BRAF: variants seen among roughly 807,000 people sequenced by gnomAD.
The protein encoded by BRAF is serine/threonine-protein kinase B-raf.
BRAF carries 16 observed loss-of-function variants against 104.6 expected under a neutral mutation model. The ratio of observed to expected loss-of-function variants is 0.15; its 90% CI spans 0.10 to 0.23. The LOEUF (loss-of-function observed/expected upper bound fraction) is 0.23, where lower values mean the gene tolerates loss of function less well. Among genes scored for constraint, BRAF ranks in the 10% least tolerant of loss-of-function variants. BRAF has a pLI of 1.00. For synonymous variants in BRAF, 310 were observed against 341.6 expected (o/e 0.91, Z 1.02); for missense variants, 541 against 937.3 (o/e 0.58, Z 5.52).
chr7:140,745,151 T>C (rs1797249100), intron 17 of BRAF, among the ~76,000 whole-genome samples: 1 of 152,204 alleles, frequency 6.6e-6, no homozygotes, highest in South Asian at 2.1e-4. Flanking sequence ...GATTTTGATG[T>C]ATATATTTCA....
Position 140,832,009 on chromosome 7 carries a change from T to G in BRAF, c.504+2600A>C, listed in dbSNP as rs1473083672. On this transcript the variant is annotated intron_variant, in intron 3 of 19. Coordinates refer to ENST00000644969, the MANE Select transcript of BRAF (RefSeq NM_001374258.1). Reference sequence around the variant, plus strand: ...TCCTAGTATTTTGTTTGGTTTTCTATTTTGGCTTATTTACGTAACCATTCA... The same window carrying G: ...TCCTAGTATTTTGTTTGGTTTTCTAGTTTGGCTTATTTACGTAACCATTCA... Among the ~76,000 whole-genome samples the G allele has an allele frequency of 5.3e-5, 8 of 152,324 alleles. No homozygotes were observed. The South Asian group carries it at 1.2e-3, about 24-fold the overall frequency.
chr7:140,920,682 C>T (rs1291973375), intron 1 of BRAF, among the ~76,000 whole-genome samples: 1 of 152,172 alleles, frequency 6.6e-6, no homozygotes, highest in Non-Finnish European at 1.5e-5. Flanking sequence ...CAGTTTATTC[C>T]TTTAATGGCC....
chr7:140,887,095 C>T (rs10251380), intron 1 of BRAF, among the ~76,000 whole-genome samples: 45,689 of 152,134 alleles, frequency 0.3, 10,956 homozygotes, highest in African/African-American at 0.67. Flanking sequence ...TTTTGAGTAA[C>T]TGACCATTCC....
intron 19 of BRAF, among the ~76,000 whole-genome samples, chr7:140,727,182 TTTC>T (rs1795645439): frequency 6.6e-6 from 1 of 151,334 alleles, no homozygotes; most frequent in African/African-American, 2.4e-5. Flanking sequence ...CCATTATTTT[TTTC>T]TTTTTTTTTT....
intron 3 of BRAF, among the ~76,000 whole-genome samples, chr7:140,827,769 T>C (rs1259445784): frequency 6.6e-6 from 1 of 152,232 alleles, no homozygotes; most frequent in Non-Finnish European, 1.5e-5. Context: ...AGAGGTTCTG[T>C]AGATTACACT....
At chr7:140,751,910 T>C (rs1054983909) in intron 16 of BRAF, among the ~76,000 whole-genome samples, 4 of 152,186 alleles carry the variant, frequency 2.6e-5, no homozygotes, top group Non-Finnish European at 5.9e-5. Flanking sequence ...AGCTTAGAAT[T>C]GCACTAAGAC....
intron 2 of BRAF, chr7:140,835,820 T>G (rs1029906366): frequency 6.6e-6 from 1 of 152,328 alleles, no homozygotes; most frequent in African/African-American, 2.4e-5. Context: ...CTCTACTATT[T>G]CTACCTACCA....
intron 17 of BRAF, among the ~76,000 whole-genome samples, chr7:140,742,486 G>A (rs956991045): frequency 8.5e-5 from 13 of 152,128 alleles, no homozygotes; most frequent in Non-Finnish European, 1.9e-4. Flanking sequence ...GAACCACCAC[G>A]CCCAGCCAAC....
intron 1 of BRAF, among the ~76,000 whole-genome samples, chr7:140,900,768 A>G (rs906363967): frequency 2.0e-5 from 3 of 152,138 alleles, no homozygotes; most frequent in Non-Finnish European, 4.4e-5. Flanking sequence ...GCACCATCAC[A>G]GCCAGCTAAT....
chr7:140,775,624 C>G (rs1178381659), intron 14 of BRAF, among the ~76,000 whole-genome samples: 1 of 152,132 alleles, frequency 6.6e-6, no homozygotes, highest in Non-Finnish European at 1.5e-5. Context: ...CAAGTGTGAG[C>G]CACTGTGCCT....
At chr7:140,910,137 C>T (rs1377742956) in intron 1 of BRAF, among the ~76,000 whole-genome samples, 2 of 152,122 alleles carry the variant, frequency 1.3e-5, no homozygotes, top group Non-Finnish European at 2.9e-5. Context: ...TTTTGTCAGC[C>T]TATCACTTTT....
intron 19 of BRAF, chr7:140,733,857 A>AC: frequency 2.4e-6 from 1 of 418,008 alleles, no homozygotes; most frequent in Non-Finnish European, 3.2e-6. Flanking sequence ...TTTGACTTCT[A>AC]CATGAGCGAG....
chr7:140,737,018 C>T (rs1796501560), intron 18 of BRAF, among the ~76,000 whole-genome samples: 2 of 151,888 alleles, frequency 1.3e-5, no homozygotes, highest in Admixed American at 1.3e-4. Flanking sequence ...TTACTGCACT[C>T]CAGCCTGGGC....
In BRAF at chr7:140,722,199, A is replaced by G; in HGVS notation, c.*4295T>C. The G allele has an allele frequency of 9.5e-7, 1 of 1,057,568 alleles. No individual in the cohort carries two copies. 65.5% of individuals were successfully genotyped at this position (1,057,568 alleles called of 1,614,324 possible). A position where few individuals can be genotyped will look rare whatever the true frequency, so the allele number is the denominator to read the frequency against. On this transcript the variant is annotated 3_prime_UTR_variant, in exon 20 of 20. Coordinates refer to ENST00000644969, the MANE Select transcript of BRAF (RefSeq NM_001374258.1). ...CTCTATGTGATAAATATATCTGACTATACTAGGGATTATGTGCTTTAAAAA... is the reference window on the plus strand; with the variant it reads ...CTCTATGTGATAAATATATCTGACTGTACTAGGGATTATGTGCTTTAAAAA...
At chr7:140,876,186 T>C (rs1244187301) in intron 1 of BRAF, among the ~76,000 whole-genome samples, 1 of 152,316 alleles carries the variant, frequency 6.6e-6, no homozygotes, top group South Asian at 2.1e-4. Flanking sequence ...TAAAGAGACC[T>C]ACGTAGTTTT....
chr7:140,892,550 C>T (rs1489206646), intron 1 of BRAF, among the ~76,000 whole-genome samples: 1 of 152,158 alleles, frequency 6.6e-6, no homozygotes. Context: ...AACTATGGAA[C>T]CTATCTTTGG....
chr7:140,875,133 T>C (rs1430713193), intron 1 of BRAF, among the ~76,000 whole-genome samples: 1 of 152,176 alleles, frequency 6.6e-6, no homozygotes, highest in East Asian at 1.9e-4. Flanking sequence ...AATTCAAGAA[T>C]AGAGTAATAC....
chr7:140,915,041 T>C (rs1586643439), intron 1 of BRAF, among the ~76,000 whole-genome samples: 5 of 54,400 alleles, frequency 9.2e-5, no homozygotes, highest in East Asian at 5.8e-4. Flanking sequence ...AGAGCGAGAC[T>C]CCGTCTCCAA....
At chr7:140,794,285 T>A (rs1373462247) in intron 8 of BRAF, 23 bp downstream of exon 8, 3 of 1,612,924 alleles carry the variant, frequency 1.9e-6, no homozygotes, top group Non-Finnish European at 2.5e-6. Flanking sequence ...TTTTTTTTAG[T>A]TCTAGCAATG....
Sources: allele counts gnomAD v4.1 joint callset (sites outside exome capture counted in the v4.1 genomes callset), GRCh38; gene constraint gnomAD v4.1.1; transcripts MANE v1.5; gene names NCBI Gene and HGNC (gene_info 2026-07-23, HGNC 2026-07-21).